The following COL22A1 variants were observed in gnomAD, a reference collection of about 807,000 sequenced individuals.
The protein encoded by COL22A1 is collagen alpha-1(XXII) chain.
Under a neutral mutation model 248.9 loss-of-function variants are expected in COL22A1, and 221 were observed. The ratio of observed to expected loss-of-function variants is 0.89; its 90% CI spans 0.80 to 0.99. The LOEUF is 0.99. Among genes scored for constraint, COL22A1 ranks in the 50% least tolerant of loss-of-function variants. COL22A1 has a pLI of 0.00. For synonymous variants in COL22A1, 891 were observed against 793.4 expected (o/e 1.12, Z -2.07); for missense variants, 2,240 against 2,179.0 (o/e 1.03, Z -0.56).
chr8:138,767,770 G>C (rs900126209), intron 16 of COL22A1, among the ~76,000 whole-genome samples: 3 of 152,168 alleles, frequency 2.0e-5, no homozygotes, highest in Admixed American at 1.3e-4. Context: ...ACTTGCTGCG[G>C]TTCTGAGTTG....
At position 138,762,455 on chromosome 8, in the gene COL22A1, G is replaced by C; in HGVS notation, c.1815C>G (p.Gly605=). 1 of 1,614,116 alleles carries C rather than the reference G, an allele frequency of 6.2e-7. No homozygotes were observed. Among genetic ancestry groups the C allele is most frequent in the Non-Finnish European group, 8.5e-7 (1 of 1,180,020 alleles). ...KGTRGEKGER[G]LDGFPGKPGD... ...CAGGCTTCCCAGGGAATCCATCCAG[G>C]CCTCGCTCTCCCTGGCAAAAGAAGG... The change falls in exon 17 of 65, where the codon GGC becomes GGG. Residue 605 remains glycine, a synonymous_variant. Coordinates refer to ENST00000303045, the MANE Select transcript of COL22A1 (RefSeq NM_152888.3).
At chr8:138,692,349 T>C (rs1432386919) in intron 35 of COL22A1, among the ~76,000 whole-genome samples, 2 of 100,382 alleles carry the variant, frequency 2.0e-5, no homozygotes, top group Non-Finnish European at 4.2e-5. Flanking sequence ...TGTGTGTATG[T>C]GTGCACATGT....
chr8:138,759,996 A>G (rs1169366311), intron 18 of COL22A1, among the ~76,000 whole-genome samples: 2 of 151,748 alleles, frequency 1.3e-5, no homozygotes, highest in Admixed American at 1.3e-4. Flanking sequence ...AATATTATAT[A>G]TTATATAACA....
chr8:138,758,022 A>G (rs1468864876), intron 18 of COL22A1, among the ~76,000 whole-genome samples: 3 of 152,182 alleles, frequency 2.0e-5, no homozygotes, highest in African/African-American at 7.2e-5. Flanking sequence ...GATAAAAATG[A>G]CTGTGGCTTC....
intron 2 of COL22A1, 116 bp from the exon 3 acceptor site, chr8:138,878,432 C>G (rs1008180424): frequency 1.1e-6 from 1 of 884,772 alleles, no homozygotes; most frequent in Non-Finnish European, 1.6e-6. Flanking sequence ...CCTGCCCTGT[C>G]TCTCATGACC....
intron 28 of COL22A1, among the ~76,000 whole-genome samples, chr8:138,716,573 T>C (rs970067792): frequency 3.3e-5 from 5 of 152,126 alleles, no homozygotes; most frequent in African/African-American, 1.2e-4. Context: ...TCAGCAACAA[T>C]GTCACCTTCT....
intron 23 of COL22A1, among the ~76,000 whole-genome samples, chr8:138,737,164 TGCCTTGTCTGCCAA>T: frequency 6.6e-6 from 1 of 152,324 alleles, no homozygotes; most frequent in Non-Finnish European, 1.5e-5. Flanking sequence ...TGGCTGGCAG[TGCCTTGTCTGCCAA>T]GGCGAGACAA....
chr8:138,905,190 C>T (rs1272509716), intron 1 of COL22A1, among the ~76,000 whole-genome samples: 1 of 152,172 alleles, frequency 6.6e-6, no homozygotes, highest in African/African-American at 2.4e-5. Context: ...ACTCACAACA[C>T]TTTTTGCACC....
intron 47 of COL22A1, among the ~76,000 whole-genome samples, chr8:138,642,539 T>C (rs185567439): frequency 1.9e-4 from 29 of 152,154 alleles, no homozygotes; most frequent in Non-Finnish European, 3.7e-4. Context: ...GTTCTTTTTT[T>C]CTGGATGGAA....
intron 4 of COL22A1, among the ~76,000 whole-genome samples, chr8:138,842,539 A>C (rs1485122877): frequency 6.6e-6 from 1 of 152,218 alleles, no homozygotes; most frequent in African/African-American, 2.4e-5. Flanking sequence ...TAGAAAATAG[A>C]TTATCCGAGA....
At chr8:138,599,224 C>T (rs1817798237) in intron 60 of COL22A1, among the ~76,000 whole-genome samples, 1 of 152,002 alleles carries the variant, frequency 6.6e-6, no homozygotes, top group African/African-American at 2.4e-5. Flanking sequence ...CGCCTGTAGT[C>T]CCAGCACTCT....
intron 17 of COL22A1, 67 bp from the exon 18 acceptor site, chr8:138,760,354 G>C (rs911002569): frequency 7.0e-7 from 1 of 1,437,018 alleles, no homozygotes; most frequent in Admixed American, 2.1e-5. Context: ...GTGTTGGGGA[G>C]AAACAGGTTG....
chr8:138,707,471 G>C (rs1308353778), intron 30 of COL22A1, among the ~76,000 whole-genome samples: 1 of 152,178 alleles, frequency 6.6e-6, no homozygotes, highest in Non-Finnish European at 1.5e-5. Flanking sequence ...GGGATGCAAG[G>C]CTGGTTCAAC....
chr8:138,766,903 G>C (rs1052316693), intron 16 of COL22A1, among the ~76,000 whole-genome samples: 1 of 152,204 alleles, frequency 6.6e-6, no homozygotes, highest in Non-Finnish European at 1.5e-5. Flanking sequence ...TGCCAGCTTT[G>C]CTAGCACTGC....
intron 14 of COL22A1, 67 bp downstream of exon 14, chr8:138,779,442 A>T: frequency 9.0e-7 from 1 of 1,111,448 alleles, no homozygotes; most frequent in Non-Finnish European, 1.4e-6. Context: ...CACCTAAAGC[A>T]ACTGGCTTTG....
At chr8:138,654,675 C>T (rs1380364445) in intron 45 of COL22A1, among the ~76,000 whole-genome samples, 1 of 152,118 alleles carries the variant, frequency 6.6e-6, no homozygotes, top group African/African-American at 2.4e-5. Context: ...GAAGTATAGA[C>T]CTTACCTCTC....
intron 41 of COL22A1, among the ~76,000 whole-genome samples, chr8:138,669,115 C>T (rs546880874): frequency 5.6e-4 from 85 of 152,290 alleles, no homozygotes; most frequent in African/African-American, 1.9e-3. Flanking sequence ...AAGCTACCCA[C>T]CAGGCAAGAG....
chr8:138,705,418 C>A (rs1251870622), intron 30 of COL22A1, among the ~76,000 whole-genome samples: 3 of 152,220 alleles, frequency 2.0e-5, no homozygotes, highest in African/African-American at 7.2e-5. Context: ...GCTCATCAGA[C>A]TAACAGCGGA....
chr8:138,601,243 G>A (rs1417892695), intron 60 of COL22A1, among the ~76,000 whole-genome samples: 1 of 152,012 alleles, frequency 6.6e-6, no homozygotes, highest in East Asian at 1.9e-4. Flanking sequence ...GGAACCAACA[G>A]CCACGGGATA....
Sources: allele counts gnomAD v4.1 joint callset (sites outside exome capture counted in the v4.1 genomes callset), GRCh38; gene constraint gnomAD v4.1.1; transcripts MANE v1.5; gene names NCBI Gene and HGNC (gene_info 2026-07-23, HGNC 2026-07-21).